The following IL1RAPL1 variants were observed in gnomAD, a reference collection of about 807,000 sequenced individuals.
IL1RAPL1 encodes the protein interleukin 1 receptor accessory protein like 1, also known as interleukin-1 receptor accessory protein-like 1.
Under a neutral mutation model 48.4 loss-of-function variants are expected in IL1RAPL1, and 3 were observed. The ratio of observed to expected loss-of-function variants is 0.06; its 90% CI spans 0.03 to 0.16. The LOEUF is 0.16. IL1RAPL1 is among the 10% of genes least tolerant of loss of function. The probability of loss-of-function intolerance (pLI) is 1.00; values close to 1 mark genes in which losing one functional copy is unlikely to be tolerated. For synonymous variants in IL1RAPL1, 185 were observed against 187.7 expected (o/e 0.99, Z 0.12); for missense variants, 349 against 530.6 (o/e 0.66, Z 3.36).
chrX:28,960,319 A>G (rs1432638243), intron 2 of IL1RAPL1, among the ~76,000 whole-genome samples: 2 of 111,581 alleles, frequency 1.8e-5, no homozygotes, highest in Non-Finnish European at 1.9e-5. Context: ...ATTTTTATTT[A>G]CTTCAACATT....
In IL1RAPL1 at chrX:29,457,997, C is replaced by G. The variant is rs149918999; in HGVS notation, c.703+58689C>G. Among the ~76,000 whole-genome samples the G allele has an allele frequency of 8.9e-4, 100 of 111,894 alleles. 1 individual carries two copies. In the East Asian group the frequency reaches 0.025, roughly 28 times the overall value. ...GTTGGCTGCTTGTACATCCTTTGAT[C>G]TCGAACTCCTAACCCCAAGTGATCC... On this transcript the variant is annotated intron_variant, in intron 5 of 10. Coordinates refer to ENST00000378993, the MANE Select transcript of IL1RAPL1 (RefSeq NM_014271.4).
rs1166183240 is a variant in IL1RAPL1 at position 29,221,670 on chromosome X, CACAT to C, written c.83-61266_83-61263del. On this transcript the variant is annotated intron_variant, in intron 2 of 10. Transcript: ENST00000378993. ...ACACACACACACACACACACACACA[CACAT>C]ATGACAGACTTCTCCAGCTCTCTGA... 5.6e-5 allele frequency among the ~76,000 whole-genome samples: 5 copies of C among 89,833 alleles called. No homozygotes were observed. The East Asian group carries it at 9.4e-4, about 17-fold the overall frequency. The allele number at this position is 89,833 out of a possible 115,157, so 78.0% of individuals were successfully genotyped here.
intron 1 of IL1RAPL1, among the ~76,000 whole-genome samples, chrX:28,647,091 C>T (rs150408827): frequency 9.0e-4 from 101 of 111,998 alleles, no homozygotes; most frequent in African/African-American, 3.1e-3. Flanking sequence ...TTATCCTCTA[C>T]TCTCAGAATT....
chrX:28,658,240 C>T (rs947028004), intron 1 of IL1RAPL1, among the ~76,000 whole-genome samples: 4 of 112,313 alleles, frequency 3.6e-5, no homozygotes, highest in Non-Finnish European at 5.6e-5. Flanking sequence ...ATTTTTGAGA[C>T]GGAGTCTCAC....
chrX:29,797,934 C>T (rs954530317), intron 6 of IL1RAPL1, among the ~76,000 whole-genome samples: 5 of 111,657 alleles, frequency 4.5e-5, no homozygotes, highest in African/African-American at 1.6e-4. Flanking sequence ...TAAATCTCAG[C>T]GCCCCAAGCC....
intron 2 of IL1RAPL1, among the ~76,000 whole-genome samples, chrX:29,026,577 A>G (rs985766634): frequency 8.9e-6 from 1 of 111,878 alleles, no homozygotes; most frequent in Non-Finnish European, 1.9e-5. Flanking sequence ...CTTAAAGTAA[A>G]AGAAAAGAAA....
chrX:29,186,240 A>G (rs1471864832), intron 2 of IL1RAPL1, among the ~76,000 whole-genome samples: 5 of 112,129 alleles, frequency 4.5e-5, no homozygotes, highest in African/African-American at 1.3e-4. Context: ...TTGAAAGCAA[A>G]TAACAAAAAT....
intron 6 of IL1RAPL1, among the ~76,000 whole-genome samples, chrX:29,691,026 A>AT (rs35943071): frequency 0.38 from 41,741 of 109,966 alleles, 5,897 homozygotes; most frequent in South Asian, 0.5. Context: ...TTGATTCAAT[A>AT]TTTTTTTTCA....
rs747205458 is a variant in IL1RAPL1 at position 29,816,895 on chromosome X, G to A, written c.779-100569G>A. On this transcript the variant is annotated intron_variant, in intron 6 of 10. Coordinates refer to ENST00000378993, the MANE Select transcript of IL1RAPL1 (RefSeq NM_014271.4). ...CTGCAGTAGCCTCTATGTAAATATC[G>A]TTTATCCCTCTGTCTTATTACCAAG... is the stretch of plus-strand genomic sequence containing the variant. Among the ~76,000 whole-genome samples the A allele has an allele frequency of 6.4e-5, 7 of 109,042 alleles. No homozygotes were observed. The South Asian group carries it at 1.2e-3, about 18-fold the overall frequency. The allele number at this position is 109,042 out of a possible 115,157, so 94.7% of individuals were successfully genotyped here. A position where few individuals can be genotyped will look rare whatever the true frequency, so the allele number is the denominator to read the frequency against.
rs369901474 is a variant in IL1RAPL1 at position 29,308,299 on chromosome X, A to T, written c.362+25082A>T. 8.1e-5 allele frequency among the ~76,000 whole-genome samples: 9 copies of T among 111,667 alleles called. No individual in the cohort carries two copies. In the East Asian group the frequency reaches 2.5e-3, roughly 31 times the overall value. On this transcript the variant is annotated intron_variant, in intron 3 of 10. Transcript: ENST00000378993. ...TAGATTCTACTGTCTTAGCCACCAG[A>T]GCCAGAGAAAGACATCATGCATTCC...
intron 6 of IL1RAPL1, among the ~76,000 whole-genome samples, chrX:29,804,427 A>G (rs1338853512): frequency 8.9e-6 from 1 of 111,919 alleles, no homozygotes; most frequent in African/African-American, 3.2e-5. Context: ...AATTGTAATA[A>G]TCCTCACCTG....
intron 3 of IL1RAPL1, among the ~76,000 whole-genome samples, chrX:29,333,945 CCCGGACGGGGCGG>C: frequency 1.0e-5 from 1 of 95,869 alleles, no homozygotes; most frequent in Non-Finnish European, 2.2e-5. Flanking sequence ...CCACCTCCCT[CCCGGACGGGGCGG>C]CTGGCCGGGC....
intron 5 of IL1RAPL1, among the ~76,000 whole-genome samples, chrX:29,548,069 C>T (rs1432443736): frequency 2.7e-5 from 3 of 112,518 alleles, no homozygotes; most frequent in South Asian, 3.7e-4. Flanking sequence ...ACAGGTGATA[C>T]GCTTGTTCCA....
intron 2 of IL1RAPL1, among the ~76,000 whole-genome samples, chrX:28,847,754 C>T (rs1921549531): frequency 9.0e-6 from 1 of 111,590 alleles, no homozygotes; most frequent in African/African-American, 3.3e-5. Context: ...TTCTCAAACA[C>T]CTCTGCTTAG....
chrX:28,978,713 G>A (rs1366360512), intron 2 of IL1RAPL1, among the ~76,000 whole-genome samples: 1 of 112,229 alleles, frequency 8.9e-6, no homozygotes, highest in Non-Finnish European at 1.9e-5. Context: ...CATAGCATGA[G>A]AGTGAACAGT....
At chrX:28,963,212 T>C (rs1489641212) in intron 2 of IL1RAPL1, among the ~76,000 whole-genome samples, 1 of 111,365 alleles carries the variant, frequency 9.0e-6, no homozygotes, top group Non-Finnish European at 1.9e-5. Context: ...AAAATGACAA[T>C]TTGGATTTTT....
At chrX:29,127,022 G>T (rs974512280) in intron 2 of IL1RAPL1, among the ~76,000 whole-genome samples, 3 of 111,437 alleles carry the variant, frequency 2.7e-5, no homozygotes, top group African/African-American at 9.8e-5. Context: ...TCAAATGCCT[G>T]TTGAACTGTA....
intron 5 of IL1RAPL1, among the ~76,000 whole-genome samples, chrX:29,608,692 G>A (rs1286218986): frequency 1.0e-5 from 1 of 99,843 alleles, no homozygotes; most frequent in Non-Finnish European, 2.0e-5. Context: ...CGGGCGTGGT[G>A]GCGGGCGCCT....
chrX:28,750,830 T>G (rs745983773), intron 1 of IL1RAPL1, among the ~76,000 whole-genome samples: 2 of 112,278 alleles, frequency 1.8e-5, no homozygotes, highest in African/African-American at 3.2e-5. Context: ...TAGTTATATA[T>G]GTAAGAGGAT....
Sources: gnomAD v4.1 joint callset for allele counts (sites outside exome capture counted in the v4.1 genomes callset) on GRCh38, gnomAD v4.1.1 for gene constraint, MANE v1.5 for transcripts, NCBI Gene and HGNC (gene_info 2026-07-23, HGNC 2026-07-21) for gene names.